ANKRD26: variants seen among roughly 807,000 people sequenced by gnomAD.
ANKRD26 encodes ankyrin repeat domain-containing protein 26.
A neutral mutation model predicts 208.7 loss-of-function variants in ANKRD26; 141 were observed. The observed-to-expected ratio is 0.68, with a 90% CI of 0.59 to 0.78. ANKRD26 has a LOEUF of 0.78. Among genes scored for constraint, ANKRD26 ranks in the 30% least tolerant of loss-of-function variants. The pLI, the probability that ANKRD26 is intolerant of heterozygous loss-of-function variation, is 0.00. For missense variants in ANKRD26, 1,889 were observed against 1,938.7 expected (o/e 0.97, Z 0.48); for synonymous variants, 636 against 660.4 (o/e 0.96, Z 0.57).
intron 10 of ANKRD26, 25 bp downstream of exon 10, chr10:27,067,132 T>C: frequency 6.2e-7 from 1 of 1,609,152 alleles, no homozygotes; most frequent in Non-Finnish European, 8.5e-7. Context: ...GATAGAAAAA[T>C]ATTCAGAGAT....
intron 3 of ANKRD26, among the ~76,000 whole-genome samples, chr10:26,984,539 G>C (rs1002416877): frequency 2.0e-5 from 3 of 152,180 alleles, no homozygotes; most frequent in African/African-American, 7.2e-5. Context: ...TCTTTTGTAA[G>C]AGACAAAGTC....
At chr10:26,986,421 T>G (rs1161582975) in intron 3 of ANKRD26, among the ~76,000 whole-genome samples, 1 of 151,754 alleles carries the variant, frequency 6.6e-6, no homozygotes. Context: ...AAGACAAAAT[T>G]GACAAATGGG....
At chr10:26,980,543 A>C (rs550527906) in intron 5 of ANKRD26, among the ~76,000 whole-genome samples, 8 of 152,332 alleles carry the variant, frequency 5.3e-5, no homozygotes, top group Admixed American at 2.6e-4. Flanking sequence ...GCCTTTGACC[A>C]GGTTTGAAAG....
At chr10:27,014,449 T>C in intron 31 of ANKRD26, 45 bp downstream of exon 31, 1 of 1,405,188 alleles carries the variant, frequency 7.1e-7, no homozygotes, top group Non-Finnish European at 9.9e-7. Flanking sequence ...TCAAGGCAAA[T>C]TAATGAGCTT....
chr10:27,063,610 G>C (rs1052815679), intron 12 of ANKRD26, among the ~76,000 whole-genome samples: 1 of 152,020 alleles, frequency 6.6e-6, no homozygotes, highest in African/African-American at 2.4e-5. Flanking sequence ...CATAAGCCAC[G>C]CGCCTGGCCC....
chr10:26,968,522 C>T, the ANKRD26 span, among the ~76,000 whole-genome samples: 2 of 152,236 alleles, frequency 1.3e-5, no homozygotes, highest in Admixed American at 1.3e-4. Flanking sequence ...AGGTATAAAT[C>T]TTCAGTAGGT....
chr10:26,997,713 C>A (rs569663399), intron 4 of ANKRD26, among the ~76,000 whole-genome samples: 2 of 152,290 alleles, frequency 1.3e-5, no homozygotes, highest in Admixed American at 6.5e-5. Context: ...TCTGGACTTG[C>A]TGGCTTCTTG....
At chr10:26,985,896 A>G (rs2052377825) in intron 3 of ANKRD26, among the ~76,000 whole-genome samples, 1 of 152,194 alleles carries the variant, frequency 6.6e-6, no homozygotes, top group African/African-American at 2.4e-5. Context: ...TCAAGCTACC[A>G]ATGACTTTCT....
At chr10:26,960,312 T>G in the ANKRD26 span, among the ~76,000 whole-genome samples, 2 of 152,206 alleles carry the variant, frequency 1.3e-5, no homozygotes, top group African/African-American at 4.8e-5. Flanking sequence ...CTTGGGGCCC[T>G]GAGCGAAGCA....
chr10:27,050,947 A>T, intron 16 of ANKRD26: 1 of 687,900 alleles, frequency 1.5e-6, no homozygotes, highest in Non-Finnish European at 2.0e-6. Context: ...AAACACAATT[A>T]CATATTTAGG....
chr10:27,001,470 G>C (rs2134746003), downstream of ANKRD26, among the ~76,000 whole-genome samples: 1 of 152,330 alleles, frequency 6.6e-6, no homozygotes, highest in South Asian at 2.1e-4. Context: ...GAAATGCACA[G>C]GGTTTTATAG....
At chr10:26,972,844 C>T (rs1303351709), downstream of ANKRD26, among the ~76,000 whole-genome samples, 2 of 152,116 alleles carry the variant, frequency 1.3e-5, no homozygotes, top group Non-Finnish European at 2.9e-5. Flanking sequence ...CCCGCCTCAG[C>T]CTCCCAAAGT....
chr10:27,092,657 C>G, intron 3 of ANKRD26, 145 bp from the exon 4 acceptor site: 1 of 678,084 alleles, frequency 1.5e-6, no homozygotes, highest in Non-Finnish European at 2.6e-6. Context: ...AACACCCCTC[C>G]TCTGCCTCAC....
rs1433930124 is a variant in ANKRD26 at position 27,067,229 on chromosome 10, T to C, written c.1135A>G (p.Ser379Gly). 1 of 1,613,652 alleles carries C rather than the reference T, an allele frequency of 6.2e-7. No individual in the cohort carries two copies. The highest frequency in any genetic ancestry group is 8.5e-7 in the Non-Finnish European group (1 of 1,179,700). The stretch of plus-strand genomic sequence containing the variant: ...TTATTTGTTTGCTCTAGTGGAGCAC[T>C]TTCAATAATATCAATACCATTTTCT... ...KKENGIDIIE[S>G]APLEQTNNDN... The change falls in exon 10 of 34, where the codon AGT becomes GGT. Residue 379 changes from serine to glycine, a missense_variant. Ser to Gly is a moderately conservative substitution (Grantham distance 56). This residue lies in a region of ANKRD26 where 1,272 missense variants were observed against 1,273.8 expected (regional missense o/e 1.00). Coordinates refer to ENST00000376087, the MANE Select transcript of ANKRD26 (RefSeq NM_014915.3).
At chr10:27,068,537 G>T (rs1374106500) in intron 9 of ANKRD26, among the ~76,000 whole-genome samples, 1 of 152,166 alleles carries the variant, frequency 6.6e-6, no homozygotes, top group Non-Finnish European at 1.5e-5. Context: ...GAAACAACAC[G>T]ACAAATGAGG....
intron 6 of ANKRD26, 119 bp from the exon 7 acceptor site, chr10:27,079,280 T>TCAA: frequency 1.3e-6 from 1 of 763,936 alleles, no homozygotes; most frequent in Non-Finnish European, 2.3e-6. Context: ...TGGTGAAAGG[T>TCAA]CAACTGTCTG....
chr10:26,961,350 T>C, the ANKRD26 span, among the ~76,000 whole-genome samples: 1 of 152,050 alleles, frequency 6.6e-6, no homozygotes, highest in Admixed American at 6.6e-5. Context: ...TAGAATAAAA[T>C]AAAATTCTGT....
Position 27,100,339 on chromosome 10 carries a change from C to A in ANKRD26, c.-13G>T. ...AAATCTTCTTCATGGCCCAGGCGACCGGGCTTCAGAGACACCTCATGTCTC... is the reference window on the plus strand; with the variant it reads ...AAATCTTCTTCATGGCCCAGGCGACAGGGCTTCAGAGACACCTCATGTCTC... On this transcript the variant is annotated 5_prime_UTR_variant, in exon 1 of 34. Coordinates refer to ENST00000376087, the MANE Select transcript of ANKRD26 (RefSeq NM_014915.3). 6.2e-7 allele frequency: 1 copy of A among 1,605,266 alleles called. No individual in the cohort carries two copies. Among genetic ancestry groups the A allele is most frequent in the South Asian group, 1.1e-5 (1 of 90,856 alleles).
chr10:26,974,561 T>C (rs2052197382), exon 6 of ANKRD26, among the ~76,000 whole-genome samples: 1 of 152,130 alleles, frequency 6.6e-6, no homozygotes, highest in South Asian at 2.1e-4. Flanking sequence ...AGGATGGTCT[T>C]GATCTTCTGA....
Sources: gnomAD v4.1 joint callset for allele counts (sites outside exome capture counted in the v4.1 genomes callset) on GRCh38, gnomAD v4.1.1 for gene constraint, gnomAD v4.1.1 regional missense constraint, MANE v1.5 for transcripts, NCBI Gene and HGNC (gene_info 2026-07-23, HGNC 2026-07-21) for gene names.